The following C12orf42 variants were observed in gnomAD, a reference collection of about 807,000 sequenced individuals.
The protein encoded by C12orf42 is chromosome 12 open reading frame 42.
C12orf42 carries 25 observed loss-of-function variants against 21.6 expected under a neutral mutation model. That is an observed-to-expected ratio of 1.16 (90% confidence interval 0.84 to 1.62). The LOEUF is 1.62. Among genes scored for constraint, C12orf42 ranks in the 40% most tolerant of loss-of-function variants. The probability of loss-of-function intolerance (pLI) is 0.00; values close to 1 mark genes in which losing one functional copy is unlikely to be tolerated. For missense variants in C12orf42, 483 were observed against 459.3 expected, an observed-to-expected ratio of 1.05 and a Z score of -0.47; for synonymous variants, 174 against 175.0, an observed-to-expected ratio of 0.99 and a Z score of 0.05.
At chr12:103,054,389 C>T in the C12orf42 span, among the ~76,000 whole-genome samples, 4 of 151,810 alleles carry the variant, frequency 2.6e-5, no homozygotes, top group African/African-American at 7.2e-5. Flanking sequence ...ATATTCATTG[C>T]TAGCATATAG....
chr12:103,437,911 C>A (rs1166706524), intron 2 of C12orf42, among the ~76,000 whole-genome samples: 3 of 147,022 alleles, frequency 2.0e-5, no homozygotes, highest in Non-Finnish European at 3.0e-5. Flanking sequence ...TTTTATGAGG[C>A]CAGCATCATC....
At chr12:103,364,277 A>T (rs2044384078) in intron 4 of C12orf42, among the ~76,000 whole-genome samples, 3 of 152,134 alleles carry the variant, frequency 2.0e-5, no homozygotes, top group South Asian at 4.1e-4. Flanking sequence ...ATAGAAATTT[A>T]AAAATTCTTT....
chr12:103,144,582 GA>G, the C12orf42 span, among the ~76,000 whole-genome samples: 1 of 152,220 alleles, frequency 6.6e-6, no homozygotes, highest in Non-Finnish European at 1.5e-5. Flanking sequence ...AAGGCAGTAA[GA>G]AAACTCTTCC....
rs1428841600 is a variant in C12orf42 at position 103,397,387 on chromosome 12, C to G, written c.147+4220G>C. 2.6e-5 allele frequency among the ~76,000 whole-genome samples: 4 copies of G among 152,268 alleles called. No homozygotes were observed. In the East Asian group the frequency reaches 7.7e-4, roughly 29 times the overall value. ...GGCACAACAGGAGGTGAGTGCCAGG[C>G]TGGGGGCAAGCATTATCACCTGATC... On this transcript the variant is annotated intron_variant, in intron 3 of 5. Transcript: ENST00000548883.
At chr12:103,227,423 G>A in the C12orf42 span, among the ~76,000 whole-genome samples, 1 of 152,026 alleles carries the variant, frequency 6.6e-6, no homozygotes, top group Admixed American at 6.6e-5. Context: ...TAAGGGATTG[G>A]GGCAGAGATA....
chr12:103,294,889 T>C (rs2037147730), intron 4 of C12orf42, among the ~76,000 whole-genome samples: 1 of 152,078 alleles, frequency 6.6e-6, no homozygotes, highest in African/African-American at 2.4e-5. Flanking sequence ...CATTAGTTAT[T>C]TTTCCTGATC....
At chr12:103,059,963 A>ACTCC in the C12orf42 span, among the ~76,000 whole-genome samples, 1 of 152,302 alleles carries the variant, frequency 6.6e-6, no homozygotes, top group South Asian at 2.1e-4. Flanking sequence ...TCAACATAGT[A>ACTCC]TTGGAAGTTC....
the C12orf42 span, chr12:103,559,860 T>C: frequency 6.6e-6 from 1 of 152,206 alleles, no homozygotes; most frequent in Non-Finnish European, 1.5e-5. Context: ...TTATGTTACA[T>C]CTTACAGCAA....
At chr12:103,243,684 G>A (rs917655820) in intron 10 of C12orf42, among the ~76,000 whole-genome samples, 4 of 152,074 alleles carry the variant, frequency 2.6e-5, no homozygotes, top group African/African-American at 7.2e-5. Context: ...GCTTAACAGT[G>A]TACTGGTAAT....
chr12:103,210,080 A>G, the C12orf42 span, among the ~76,000 whole-genome samples: 2 of 150,910 alleles, frequency 1.3e-5, no homozygotes, highest in African/African-American at 2.4e-5. Flanking sequence ...GTCTTCTACT[A>G]TGTGAATTTT....
intron 2 of C12orf42, among the ~76,000 whole-genome samples, chr12:103,414,051 T>C (rs543328851): frequency 1.3e-5 from 2 of 152,302 alleles, no homozygotes; most frequent in African/African-American, 4.8e-5. Context: ...CTACTTTTAG[T>C]TCTTTAAGGA....
At position 103,483,405 on chromosome 12, in the gene C12orf42, G is replaced by A. The variant is rs563510294; in HGVS notation, c.-21-4958C>T. Among the ~76,000 whole-genome samples, 11 of 152,186 alleles carry A rather than the reference G, an allele frequency of 7.2e-5. No individual in the cohort carries two copies. The South Asian group carries it at 1.7e-3, about 23-fold the overall frequency. ...TAAAAAATTTAAGAAAATTCTCGAAGGCCTGTGTTTAACTCACAGTTTCCC... is the reference window on the plus strand; with the variant it reads ...TAAAAAATTTAAGAAAATTCTCGAAAGCCTGTGTTTAACTCACAGTTTCCC... On this transcript the variant is annotated intron_variant, in intron 1 of 5. Coordinates refer to ENST00000548883, the MANE Select transcript of C12orf42 (RefSeq NM_198521.5).
the C12orf42 span, among the ~76,000 whole-genome samples, chr12:103,091,596 T>C: frequency 6.6e-6 from 1 of 152,188 alleles, no homozygotes; most frequent in Non-Finnish European, 1.5e-5. Flanking sequence ...TGCAGGTCTG[T>C]AATTAATCTG....
At chr12:103,401,537 A>G (rs1426375796) in intron 3 of C12orf42, 70 bp downstream of exon 3, 5 of 1,284,834 alleles carry the variant, frequency 3.9e-6, no homozygotes, top group East Asian at 2.3e-5. Flanking sequence ...ATCTGCTTAC[A>G]TGTAAAGCAA....
chr12:103,339,164 GACATATTAAGAA>G (rs1276502227), intron 4 of C12orf42, among the ~76,000 whole-genome samples: 1 of 152,184 alleles, frequency 6.6e-6, no homozygotes, highest in Non-Finnish European at 1.5e-5. Context: ...AAGGCAGGAT[GACATATTAAGAA>G]ACATATATTA....
the C12orf42 span, among the ~76,000 whole-genome samples, chr12:103,507,683 A>C: frequency 6.9e-6 from 1 of 144,768 alleles, no homozygotes; most frequent in African/African-American, 2.5e-5. Context: ...GTCTCCAAAA[A>C]ACTGGTGGGG....
the C12orf42 span, among the ~76,000 whole-genome samples, chr12:103,058,957 G>A: frequency 6.6e-6 from 1 of 152,138 alleles, no homozygotes; most frequent in Non-Finnish European, 1.5e-5. Flanking sequence ...GCTAGCAGAA[G>A]ACAAGAAATA....
chr12:103,174,304 A>G, the C12orf42 span, among the ~76,000 whole-genome samples: 1 of 152,240 alleles, frequency 6.6e-6, no homozygotes, highest in Non-Finnish European at 1.5e-5. Context: ...GTATATCAGA[A>G]GTAGTGATTT....
At chr12:103,165,238 G>A in the C12orf42 span, among the ~76,000 whole-genome samples, 4 of 152,328 alleles carry the variant, frequency 2.6e-5, no homozygotes, top group South Asian at 8.3e-4. Context: ...TTAGAACTAA[G>A]CAAGTTTGCA....
Sources: gnomAD v4.1 joint callset for allele counts (sites outside exome capture counted in the v4.1 genomes callset) on GRCh38, gnomAD v4.1.1 for gene constraint, MANE v1.5 for transcripts, NCBI Gene and HGNC (gene_info 2026-07-23, HGNC 2026-07-21) for gene names.